The following ABTB3 variants were observed in gnomAD, a reference collection of about 807,000 sequenced individuals.
The protein encoded by ABTB3 is ankyrin repeat and BTB domain containing 3, also known as ankyrin repeat- and BTB/POZ domain-containing protein 3.
the ABTB3 span, chr12:107,657,710 G>A: frequency 2.9e-5 from 46 of 1,614,016 alleles, no homozygotes; most frequent in East Asian, 8.9e-5. Flanking sequence ...CAAAGGTTCC[G>A]TGGTATGAAA....
At chr12:107,516,976 T>C in the ABTB3 span, among the ~76,000 whole-genome samples, 7 of 152,294 alleles carry the variant, frequency 4.6e-5, no homozygotes, top group Admixed American at 1.3e-4. Context: ...ATTGCCTAGG[T>C]TTTCTTCTAG....
chr12:107,389,768 C>T, the ABTB3 span, among the ~76,000 whole-genome samples: 4 of 151,278 alleles, frequency 2.6e-5, no homozygotes, highest in Non-Finnish European at 5.9e-5. Flanking sequence ...TAGGATGACT[C>T]CCTAAAATGT....
At chr12:107,564,201 G>A in the ABTB3 span, among the ~76,000 whole-genome samples, 1 of 150,416 alleles carries the variant, frequency 6.6e-6, no homozygotes, top group Non-Finnish European at 1.5e-5. Flanking sequence ...TGAAAGTCAT[G>A]TAGTCCTTCC....
the ABTB3 span, chr12:107,612,666 C>A: frequency 1.9e-6 from 2 of 1,045,900 alleles, no homozygotes; most frequent in Non-Finnish European, 1.4e-6. Context: ...TTTTGTCATG[C>A]CGGAGCACAA....
the ABTB3 span, among the ~76,000 whole-genome samples, chr12:107,613,074 A>AC: frequency 1.3e-5 from 2 of 152,094 alleles, no homozygotes; most frequent in Non-Finnish European, 2.9e-5. Context: ...GCCCAACCAA[A>AC]CCCCAAGGAG....
chr12:107,322,900 C>T, the ABTB3 span, among the ~76,000 whole-genome samples: 2 of 152,192 alleles, frequency 1.3e-5, no homozygotes. Context: ...TGAACAGAGA[C>T]CCTTCCTGTC....
chr12:107,403,901 G>A, the ABTB3 span, among the ~76,000 whole-genome samples: 3 of 152,076 alleles, frequency 2.0e-5, no homozygotes, highest in Non-Finnish European at 2.9e-5. Flanking sequence ...GGTGGCTCAC[G>A]CCTGTAATCC....
At chr12:107,604,693 G>T in the ABTB3 span, among the ~76,000 whole-genome samples, 38 of 152,278 alleles carry the variant, frequency 2.5e-4, no homozygotes, top group African/African-American at 8.9e-4. Context: ...AGCCATTATG[G>T]AAAACAGAAC....
chr12:107,345,504 AG>A, the ABTB3 span, among the ~76,000 whole-genome samples: 5 of 151,776 alleles, frequency 3.3e-5, no homozygotes, highest in Admixed American at 2.0e-4. Flanking sequence ...CTTAAGCAGA[AG>A]GGGGGGATTA....
At chr12:107,560,365 A>G in the ABTB3 span, among the ~76,000 whole-genome samples, 1 of 152,196 alleles carries the variant, frequency 6.6e-6, no homozygotes, top group Non-Finnish European at 1.5e-5. Context: ...TGTAGGAGGA[A>G]GAAACTACAA....
the ABTB3 span, among the ~76,000 whole-genome samples, chr12:107,620,349 C>T: frequency 2.0e-5 from 3 of 152,174 alleles, no homozygotes; most frequent in Non-Finnish European, 4.4e-5. Context: ...AGCTGTCTTG[C>T]TGAGCATCCA....
chr12:107,420,160 G>A, the ABTB3 span, among the ~76,000 whole-genome samples: 1 of 152,042 alleles, frequency 6.6e-6, no homozygotes, highest in Non-Finnish European at 1.5e-5. Context: ...GCTCTCTCAG[G>A]GACCTCAGTT....
the ABTB3 span, chr12:107,319,669 C>T: frequency 6.5e-7 from 1 of 1,536,646 alleles, no homozygotes; most frequent in Non-Finnish European, 8.7e-7. Context: ...GCATGGAGAG[C>T]CTCTTCCGGG....
At chr12:107,553,950 G>A in the ABTB3 span, among the ~76,000 whole-genome samples, 1 of 152,154 alleles carries the variant, frequency 6.6e-6, no homozygotes, top group African/African-American at 2.4e-5. Flanking sequence ...GAGAGAGAGA[G>A]AGAAGAGGAA....
the ABTB3 span, among the ~76,000 whole-genome samples, chr12:107,418,794 T>C: frequency 1.3e-5 from 2 of 152,220 alleles, no homozygotes; most frequent in African/African-American, 2.4e-5. Context: ...ATGGGGTTGA[T>C]TTAGAGCAGT....
At chr12:107,500,486 G>A in the ABTB3 span, among the ~76,000 whole-genome samples, 4 of 152,120 alleles carry the variant, frequency 2.6e-5, no homozygotes, top group South Asian at 2.1e-4. Flanking sequence ...TTAGTGCAGC[G>A]CCTCACTTGG....
At chr12:107,544,299 G>A in the ABTB3 span, among the ~76,000 whole-genome samples, 1 of 152,276 alleles carries the variant, frequency 6.6e-6, no homozygotes, top group Non-Finnish European at 1.5e-5. Flanking sequence ...GGATATCTTA[G>A]ACCCGTGTGG....
the ABTB3 span, chr12:107,520,226 G>T: frequency 1.2e-5 from 12 of 985,392 alleles, no homozygotes; most frequent in Non-Finnish European, 1.4e-5. Flanking sequence ...ATTCTGTTTT[G>T]TGTTCTTTGG....
At chr12:107,446,295 C>G in the ABTB3 span, among the ~76,000 whole-genome samples, 1 of 152,002 alleles carries the variant, frequency 6.6e-6, no homozygotes, top group Admixed American at 6.6e-5. Context: ...CAGCTTGTTC[C>G]AAAGCTACCA....
Sources: allele counts gnomAD v4.1 joint callset (sites outside exome capture counted in the v4.1 genomes callset), GRCh38; gene constraint gnomAD v4.1.1; transcripts MANE v1.5; gene names NCBI Gene and HGNC (gene_info 2026-07-23, HGNC 2026-07-21).